Variants in SCLT1 observed in about 807,000 individuals in gnomAD.
The protein encoded by SCLT1 is sodium channel and clathrin linker 1, also known as sodium channel-associated protein 1.
SCLT1 carries 78 observed loss-of-function variants against 112.8 expected under a neutral mutation model. The ratio of observed to expected loss-of-function variants is 0.69; its 90% CI spans 0.58 to 0.83. The LOEUF (loss-of-function observed/expected upper bound fraction) is 0.83. SCLT1 is among the 40% of genes least tolerant of loss of function. The pLI is 0.00. For synonymous variants in SCLT1, 257 were observed against 254.7 expected (o/e 1.01, Z -0.09); for missense variants, 747 against 770.4 (o/e 0.97, Z 0.36).
intron 5 of SCLT1, among the ~76,000 whole-genome samples, chr4:129,033,838 C>A (rs72924176): frequency 0.019 from 2,952 of 152,058 alleles, 84 homozygotes; most frequent in African/African-American, 0.062. Context: ...ACATAAATAC[C>A]AAAACATAAA....
At chr4:128,912,765 A>G (rs1735202909) in intron 18 of SCLT1, among the ~76,000 whole-genome samples, 1 of 151,804 alleles carries the variant, frequency 6.6e-6, no homozygotes, top group South Asian at 2.1e-4. Context: ...ATATAAATAG[A>G]GACAGGGTCT....
chr4:128,922,654 G>A (rs1335197698), intron 18 of SCLT1, among the ~76,000 whole-genome samples: 1 of 152,072 alleles, frequency 6.6e-6, no homozygotes, highest in Non-Finnish European at 1.5e-5. Context: ...GAGGATGGAG[G>A]GTGGGAGTAG....
chr4:129,032,491 G>C (rs1746813324), intron 5 of SCLT1, among the ~76,000 whole-genome samples: 2 of 152,070 alleles, frequency 1.3e-5, no homozygotes, highest in African/African-American at 4.8e-5. Flanking sequence ...TGACAAATGG[G>C]ATCGAATTAA....
downstream of SCLT1, among the ~76,000 whole-genome samples, chr4:128,881,329 C>G (rs1732636137): frequency 6.6e-6 from 1 of 152,066 alleles, no homozygotes; most frequent in Non-Finnish European, 1.5e-5. Flanking sequence ...GGTTAAAGAA[C>G]AGCATTTATA....
chr4:128,920,902 C>A (rs1735830828), intron 18 of SCLT1, among the ~76,000 whole-genome samples: 2 of 152,090 alleles, frequency 1.3e-5, no homozygotes, highest in Non-Finnish European at 2.9e-5. Context: ...TAATTCTAGA[C>A]CTAGAAAACC....
At chr4:129,073,335 C>A (rs1237161481) in intron 2 of SCLT1, among the ~76,000 whole-genome samples, 2 of 152,130 alleles carry the variant, frequency 1.3e-5, no homozygotes, top group Non-Finnish European at 2.9e-5. Context: ...TTGTATTTAA[C>A]TTTCAATTGT....
chr4:129,007,264 T>C (rs1744111247), intron 5 of SCLT1, among the ~76,000 whole-genome samples: 1 of 152,208 alleles, frequency 6.6e-6, no homozygotes, highest in Non-Finnish European at 1.5e-5. Flanking sequence ...GATTTCTTAA[T>C]TGCATTATTC....
chr4:128,995,075 T>A (rs990228586), intron 8 of SCLT1, among the ~76,000 whole-genome samples: 12 of 152,146 alleles, frequency 7.9e-5, no homozygotes, highest in African/African-American at 2.9e-4. Context: ...ACTTTTGGTG[T>A]CATATCCATG....
At chr4:128,935,491 T>C (rs1046461382) in intron 18 of SCLT1, among the ~76,000 whole-genome samples, 2 of 152,086 alleles carry the variant, frequency 1.3e-5, no homozygotes, top group South Asian at 2.1e-4. Context: ...GTATTCATTA[T>C]CTATGTGATC....
At chr4:129,035,828 G>GATA (rs976018195) in intron 5 of SCLT1, among the ~76,000 whole-genome samples, 2 of 151,066 alleles carry the variant, frequency 1.3e-5, no homozygotes, top group Admixed American at 6.6e-5. Context: ...AAGGGAGCAT[G>GATA]ATAATAATAA....
chr4:129,039,431 T>C (rs1747474150), intron 4 of SCLT1: 2 of 195,642 alleles, frequency 1.0e-5, no homozygotes, highest in Non-Finnish European at 1.0e-5. Context: ...AGATGGTTCC[T>C]GTATCTTGAA....
chr4:128,965,142 T>A, intron 11 of SCLT1, 85 bp downstream of exon 11: 4 of 681,062 alleles, frequency 5.9e-6, no homozygotes, highest in Non-Finnish European at 1.0e-5. Context: ...AAAATATTTA[T>A]TCTAGTAAAT....
chr4:129,054,895 C>T (rs1489150838), intron 2 of SCLT1, among the ~76,000 whole-genome samples: 3 of 152,120 alleles, frequency 2.0e-5, no homozygotes, highest in South Asian at 2.1e-4. Context: ...GATTTATCTA[C>T]GTGGTGGATT....
intron 9 of SCLT1, among the ~76,000 whole-genome samples, chr4:128,975,704 T>G (rs1741110989): frequency 6.6e-6 from 1 of 152,200 alleles, no homozygotes; most frequent in Admixed American, 6.5e-5. Flanking sequence ...TAAGGACTTT[T>G]GTAATTACCC....
intron 5 of SCLT1, among the ~76,000 whole-genome samples, chr4:129,008,658 A>T (rs901055512): frequency 6.6e-6 from 1 of 151,668 alleles, no homozygotes; most frequent in African/African-American, 2.4e-5. Context: ...AATTTTTTTG[A>T]ATTTATTTTT....
chr4:128,960,926 CAAAAA>C (rs34599122), intron 11 of SCLT1, among the ~76,000 whole-genome samples: 3 of 52,494 alleles, frequency 5.7e-5, no homozygotes, highest in African/African-American at 2.5e-4. Context: ...GACTCCGTCT[CAAAAA>C]AAAAAAAAAA....
At chr4:128,973,488 G>C (rs1386126268) in intron 9 of SCLT1, among the ~76,000 whole-genome samples, 3 of 150,758 alleles carry the variant, frequency 2.0e-5, no homozygotes, top group African/African-American at 7.3e-5. Flanking sequence ...GAGGGAGAGA[G>C]GGAGAGGGAA....
intron 2 of SCLT1, among the ~76,000 whole-genome samples, chr4:129,054,024 G>T (rs1251426640): frequency 6.6e-6 from 1 of 152,080 alleles, no homozygotes; most frequent in Non-Finnish European, 1.5e-5. Context: ...GTTTAGTTTG[G>T]CTGGATATAA....
chr4:129,021,583 C>T (rs372619764), intron 5 of SCLT1, among the ~76,000 whole-genome samples: 5 of 152,124 alleles, frequency 3.3e-5, no homozygotes, highest in Non-Finnish European at 5.9e-5. Context: ...CTGGGCTGGG[C>T]GTGGCAAAGT....
Sources: allele counts gnomAD v4.1 joint callset (sites outside exome capture counted in the v4.1 genomes callset), GRCh38; gene constraint gnomAD v4.1.1; transcripts MANE v1.5; gene names NCBI Gene and HGNC (gene_info 2026-07-23, HGNC 2026-07-21).